TRAK1: variants seen among roughly 807,000 people sequenced by gnomAD.
TRAK1 encodes the protein trafficking kinesin-binding protein 1.
In TRAK1, 33 loss-of-function variants were observed where a neutral mutation model predicts 92.1. That is an observed-to-expected ratio of 0.36 (90% CI 0.27 to 0.48). The LOEUF (loss-of-function observed/expected upper bound fraction) is 0.48. TRAK1 is among the 20% of genes least tolerant of loss of function. TRAK1 has a pLI of 0.99. For synonymous variants in TRAK1, 521 were observed against 517.3 expected (o/e 1.01, Z -0.10); for missense variants, 1,123 against 1,257.9 (o/e 0.89, Z 1.62).
At chr3:42,096,479 C>T (rs940406273) in intron 1 of TRAK1, among the ~76,000 whole-genome samples, 9 of 152,186 alleles carry the variant, frequency 5.9e-5, no homozygotes, top group Non-Finnish European at 1.0e-4. Flanking sequence ...GTCTCGAACT[C>T]GTGTCCTCAA....
intron 4 of TRAK1, among the ~76,000 whole-genome samples, chr3:42,185,434 C>A (rs1704652707): frequency 6.6e-6 from 1 of 152,130 alleles, no homozygotes; most frequent in Non-Finnish European, 1.5e-5. Flanking sequence ...GGGAATGGAG[C>A]TTTTCGGCTT....
intron 3 of TRAK1, among the ~76,000 whole-genome samples, chr3:42,181,971 T>C (rs925549885): frequency 6.6e-6 from 1 of 151,912 alleles, no homozygotes; most frequent in African/African-American, 2.4e-5. Flanking sequence ...TTTTTTTTTT[T>C]TTCAATTTTG....
At chr3:42,179,385 C>T (rs1349209) in intron 3 of TRAK1, among the ~76,000 whole-genome samples, 75,623 of 152,126 alleles carry the variant, frequency 0.5, 21,203 homozygotes, top group East Asian at 0.95. Context: ...ATGGGGGATT[C>T]GCACAGGATC....
At chr3:42,058,666 C>T (rs1414115500) in intron 1 of TRAK1, among the ~76,000 whole-genome samples, 1 of 152,180 alleles carries the variant, frequency 6.6e-6, no homozygotes, top group African/African-American at 2.4e-5. Flanking sequence ...TTAAAGTCAA[C>T]CTGTCCTACC....
At chr3:42,059,540 G>T (rs984221543) in intron 1 of TRAK1, among the ~76,000 whole-genome samples, 5 of 152,102 alleles carry the variant, frequency 3.3e-5, no homozygotes, top group Non-Finnish European at 7.4e-5. Context: ...AGCAGGCCTC[G>T]GGGATTTCCT....
intron 1 of TRAK1, among the ~76,000 whole-genome samples, chr3:42,117,979 C>G (rs1237992622): frequency 6.6e-6 from 1 of 152,092 alleles, no homozygotes; most frequent in East Asian, 1.9e-4. Context: ...GCTGCCACGC[C>G]CAGATAATTT....
chr3:42,083,359 G>T (rs969187636), upstream of TRAK1, among the ~76,000 whole-genome samples: 2 of 152,094 alleles, frequency 1.3e-5, no homozygotes, highest in South Asian at 2.1e-4. Context: ...AAGTGTTCCC[G>T]GTTTAATTTC....
At chr3:42,113,602 A>G (rs1275746590) in intron 1 of TRAK1, among the ~76,000 whole-genome samples, 1 of 151,914 alleles carries the variant, frequency 6.6e-6, no homozygotes, top group Non-Finnish European at 1.5e-5. Flanking sequence ...TTTAGTAGAG[A>G]CGGGGTTTCA....
chr3:42,047,926 T>TTC (rs1553704546), intron 1 of TRAK1, among the ~76,000 whole-genome samples: 2 of 149,774 alleles, frequency 1.3e-5, no homozygotes, highest in African/African-American at 4.9e-5. Context: ...TCTTTTCTTT[T>TTC]TTTTTTTTTT....
intron 6 of TRAK1, among the ~76,000 whole-genome samples, chr3:42,190,341 A>G (rs781749056): frequency 1.3e-4 from 19 of 151,966 alleles, no homozygotes; most frequent in Non-Finnish European, 2.5e-4. Context: ...ACTTGCCCAC[A>G]CCTTGGTAAG....
intron 1 of TRAK1, among the ~76,000 whole-genome samples, chr3:42,064,347 T>C (rs1056164676): frequency 1.4e-5 from 2 of 140,960 alleles, no homozygotes; most frequent in Admixed American, 7.5e-5. Context: ...CTCAAATGAA[T>C]AAATAAATAG....
intron 1 of TRAK1, among the ~76,000 whole-genome samples, chr3:42,102,096 C>T (rs967494926): frequency 3.9e-5 from 6 of 152,336 alleles, no homozygotes; most frequent in Admixed American, 3.9e-4. Context: ...AGCGATTCTC[C>T]TGCCTCACCC....
In TRAK1 at chr3:42,223,215, T is replaced by A. The variant is rs370271663; in HGVS notation, c.2340T>A (p.Ser780=). 5.6e-6 allele frequency: 9 copies of A among 1,614,018 alleles called. No individual in the cohort carries two copies. In the African/African-American group the frequency reaches 1.2e-4, roughly 22 times the overall value. ...SYTPKMAVIP[S]TPPNSPMQTP... The stretch of plus-strand genomic sequence containing the variant: ...CGCCCAAGATGGCTGTGATCCCCTC[T>A]ACTCCGCCGAACTCGCCTATGCAGA... Residue 780 remains serine (S), a synonymous_variant, in exon 16 of 16, where the codon TCT becomes TCA. Transcript: ENST00000327628. This position sits in a 1 kb window ranked among gnomAD's most constrained non-coding sequence, Gnocchi z 6.1.
At chr3:42,092,140 G>A (rs1705155628) in intron 1 of TRAK1, among the ~76,000 whole-genome samples, 1 of 151,022 alleles carries the variant, frequency 6.6e-6, no homozygotes, top group Non-Finnish European at 1.5e-5. Context: ...CCTGGGACTC[G>A]GATCCACACC....
chr3:42,154,800 C>G (rs952310671), intron 2 of TRAK1, among the ~76,000 whole-genome samples: 2 of 152,158 alleles, frequency 1.3e-5, no homozygotes, highest in African/African-American at 2.4e-5. Flanking sequence ...CAACCCTGCT[C>G]TCTAGGAGCA....
At chr3:42,196,977 TTCTCTTTCTCTCTC>T (rs1466369698) in intron 10 of TRAK1, among the ~76,000 whole-genome samples, 1 of 62,404 alleles carries the variant, frequency 1.6e-5, no homozygotes, top group Non-Finnish European at 3.5e-5. Flanking sequence ...CTCTCTCTCT[TTCTCTTTCTCTCTC>T]TCTCTCTCTC....
chr3:42,193,972 A>G (rs1292729533), intron 9 of TRAK1, 74 bp downstream of exon 9: 10 of 1,342,030 alleles, frequency 7.5e-6, no homozygotes, highest in Non-Finnish European at 1.0e-5. Context: ...GGACAGCTTT[A>G]GTCACGTCCA....
At chr3:42,113,848 T>C (rs778014674) in intron 1 of TRAK1, among the ~76,000 whole-genome samples, 2 of 152,226 alleles carry the variant, frequency 1.3e-5, no homozygotes, top group Non-Finnish European at 2.9e-5. Flanking sequence ...GCCACTGGGC[T>C]GGGCCCATTT....
rs74685550 is a variant in TRAK1, at chr3:42,188,035, G to T, written c.481-10G>T. ...GGGAAGCAAATGATGGGCCTGCTCT[G>T]CTTGTGCAGGTGTCTCAGCTCCGGC... is the stretch of plus-strand genomic sequence containing the variant. On this transcript the variant is annotated splice_polypyrimidine_tract_variant and intron_variant, in intron 4 of 15. Coordinates refer to ENST00000327628, the MANE Select transcript of TRAK1 (RefSeq NM_001042646.3). The T allele has an allele frequency of 0.066, 106,007 of 1,612,864 alleles. 3,804 individuals are homozygous for T. Among genetic ancestry groups the T allele is most frequent in the Middle Eastern group, 0.08 (487 of 6,058 alleles).
Sources: gnomAD v4.1 joint callset for allele counts (sites outside exome capture counted in the v4.1 genomes callset) on GRCh38, gnomAD v4.1.1 for gene constraint, Gnocchi (gnomAD v3.1) non-coding constraint, MANE v1.5 for transcripts, NCBI Gene and HGNC (gene_info 2026-07-23, HGNC 2026-07-21) for gene names.